WDR7: variants seen among roughly 807,000 people sequenced by gnomAD.
The protein encoded by WDR7 is WD repeat-containing protein 7.
A neutral mutation model predicts 169.4 loss-of-function variants in WDR7; 46 were observed. The ratio of observed to expected loss-of-function variants is 0.27; its 90% CI spans 0.21 to 0.35. The LOEUF is 0.35. Among genes scored for constraint, WDR7 ranks in the 10% least tolerant of loss-of-function variants. The pLI, the probability that WDR7 is intolerant of heterozygous loss-of-function variation, is 1.00. For missense variants in WDR7, 1,534 were observed against 1,859.3 expected (o/e 0.83, Z 3.22); for synonymous variants, 612 against 666.8 (o/e 0.92, Z 1.27).
In WDR7 at chr18:56,939,320, A is replaced by G. The variant is rs370810858; in HGVS notation, c.3991A>G (p.Ile1331Val). The G allele has an allele frequency of 1.0e-4, 153 of 1,528,582 alleles. No homozygotes were observed. Among genetic ancestry groups the G allele is most frequent in the Non-Finnish European group, 1.3e-4 (150 of 1,137,902 alleles). 94.7% of individuals were successfully genotyped at this position (1,528,582 alleles called of 1,614,324 possible). A position where few individuals can be genotyped will look rare whatever the true frequency, so the allele number is the denominator to read the frequency against. The stretch of plus-strand genomic sequence containing the variant: ...TTCTTTTCTGTCAAAGGTTATGGAC[A>G]TCATTATGTACTGCCTTGAAGGATC... ...VVDLLVEVMDIIMYCLEGSLV... is the reference protein window; with the variant it reads ...VVDLLVEVMDVIMYCLEGSLV... Residue 1331 changes from isoleucine to valine, a missense_variant, in exon 25 of 28, where the codon ATC (isoleucine) becomes GTC (valine). Coordinates refer to ENST00000254442, the MANE Select transcript of WDR7 (RefSeq NM_015285.3).
At chr18:56,652,051 A>G (rs1489044035) in intron 1 of WDR7, among the ~76,000 whole-genome samples, 1 of 152,156 alleles carries the variant, frequency 6.6e-6, no homozygotes. Flanking sequence ...GCCAGTTCTT[A>G]TCCCTTTGCC....
chr18:56,667,877 ATGT>A (rs1568126803), intron 1 of WDR7, among the ~76,000 whole-genome samples: 1 of 152,182 alleles, frequency 6.6e-6, no homozygotes, highest in Non-Finnish European at 1.5e-5. Context: ...TATGTGGTAG[ATGT>A]TGTGCTAAGC....
chr18:56,752,189 G>C (rs1181450021), intron 14 of WDR7, among the ~76,000 whole-genome samples: 1 of 152,142 alleles, frequency 6.6e-6, no homozygotes, highest in Non-Finnish European at 1.5e-5. Flanking sequence ...CACTCCTGGT[G>C]ATTCTGAGAA....
intron 25 of WDR7, among the ~76,000 whole-genome samples, chr18:56,961,573 CATA>C (rs1555717868): frequency 6.6e-6 from 1 of 152,112 alleles, no homozygotes; most frequent in Non-Finnish European, 1.5e-5. Flanking sequence ...TTATACTTCT[CATA>C]ATTTTTATTC....
At chr18:56,688,127 T>C (rs1457620481) in intron 7 of WDR7, among the ~76,000 whole-genome samples, 2 of 152,134 alleles carry the variant, frequency 1.3e-5, no homozygotes, top group African/African-American at 2.4e-5. Flanking sequence ...AAAGGTTATA[T>C]AAATGGCAGC....
chr18:56,920,454 T>A (rs1439584242), intron 21 of WDR7, among the ~76,000 whole-genome samples: 1 of 152,214 alleles, frequency 6.6e-6, no homozygotes, highest in Non-Finnish European at 1.5e-5. Flanking sequence ...TCTCTTTTTT[T>A]CCCTAGCACA....
chr18:56,816,860 T>C (rs2044980395), intron 20 of WDR7, among the ~76,000 whole-genome samples: 1 of 152,192 alleles, frequency 6.6e-6, no homozygotes, highest in Admixed American at 6.5e-5. Flanking sequence ...GTGTGGGTGG[T>C]TAAAATTTAA....
At chr18:57,032,825 A>G (rs868846362), downstream of WDR7, 3 of 123,768 alleles carry the variant, frequency 2.4e-5, no homozygotes, top group South Asian at 5.0e-4. Context: ...ATATATATAT[A>G]TATATATATA....
intron 19 of WDR7, among the ~76,000 whole-genome samples, chr18:56,789,654 G>T (rs951999356): frequency 2.0e-5 from 3 of 152,316 alleles, no homozygotes; most frequent in African/African-American, 7.2e-5. Flanking sequence ...AGGCAAAACT[G>T]CTGGGCTTGA....
chr18:56,833,374 G>A (rs1053261658), intron 20 of WDR7, among the ~76,000 whole-genome samples: 2 of 152,040 alleles, frequency 1.3e-5, no homozygotes, highest in Non-Finnish European at 2.9e-5. Flanking sequence ...GGGAGGAATA[G>A]CATTAGGAGA....
At chr18:56,657,952 G>C (rs1335933022) in intron 1 of WDR7, among the ~76,000 whole-genome samples, 1 of 149,910 alleles carries the variant, frequency 6.7e-6, no homozygotes, top group South Asian at 2.1e-4. Flanking sequence ...TTTGGCTGTT[G>C]ATTACTTGAG....
intron 19 of WDR7, among the ~76,000 whole-genome samples, chr18:56,794,383 C>T (rs1034534120): frequency 2.4e-5 from 3 of 127,650 alleles, no homozygotes; most frequent in Admixed American, 1.0e-4. Context: ...GATCTTGGCT[C>T]AATGCAAGCT....
At chr18:56,903,188 CT>C (rs1368272543) in intron 21 of WDR7, among the ~76,000 whole-genome samples, 2 of 152,064 alleles carry the variant, frequency 1.3e-5, no homozygotes, top group Non-Finnish European at 2.9e-5. Flanking sequence ...GGTTTTGCAT[CT>C]TTTATTGGTC....
chr18:56,675,725 C>T (rs372039984), intron 2 of WDR7, among the ~76,000 whole-genome samples: 11 of 152,054 alleles, frequency 7.2e-5, no homozygotes, highest in East Asian at 3.9e-4. Flanking sequence ...TCCTGGATGG[C>T]ACCTCCATAA....
chr18:56,911,546 C>T (rs1477878600), intron 21 of WDR7, among the ~76,000 whole-genome samples: 3 of 152,184 alleles, frequency 2.0e-5, no homozygotes, highest in Non-Finnish European at 4.4e-5. Context: ...CCTACACTTA[C>T]TCTAGTATCC....
rs1237589213 is a variant in WDR7, at chr18:57,028,366, A to G, written c.*1159A>G. The stretch of plus-strand genomic sequence containing the variant: ...TTATGCTTCTAAGTAAGCTTTAACT[A>G]GACCACTTTCTTCTTATGTCAGATT... On this transcript the variant is annotated 3_prime_UTR_variant, in exon 28 of 28. Transcript: ENST00000254442. 2.0e-5 allele frequency: 3 copies of G among 152,204 alleles called. No individual in the cohort carries two copies. The highest frequency in any genetic ancestry group is 4.8e-5 in the African/African-American group (2 of 41,448). The allele number at this position is 152,204 out of a possible 1,614,324, so 9.4% of individuals were successfully genotyped here.
Position 56,725,224 on chromosome 18 carries a change from A to G in WDR7, c.1775-6159A>G, listed in dbSNP as rs1459417520. Among the ~76,000 whole-genome samples the G allele has an allele frequency of 5.4e-4, 82 of 150,846 alleles. 4 individuals are homozygous for G. The highest frequency in any genetic ancestry group is 1.9e-3 in the African/African-American group (76 of 40,136). On this transcript the variant is annotated intron_variant, in intron 13 of 27. Coordinates refer to ENST00000254442, the MANE Select transcript of WDR7 (RefSeq NM_015285.3). ...TCTAGTTCTAGATCCCTGAGGAATC[A>G]CCACACTGTCTTCCACAATGGTTGA...
chr18:56,987,843 T>C (rs2047746654), intron 26 of WDR7, among the ~76,000 whole-genome samples: 2 of 152,242 alleles, frequency 1.3e-5, no homozygotes, highest in Non-Finnish European at 2.9e-5. Context: ...GCTTGGATTA[T>C]GATGAATCAC....
chr18:56,895,348 A>C (rs1198630709), intron 21 of WDR7, among the ~76,000 whole-genome samples: 1 of 151,616 alleles, frequency 6.6e-6, no homozygotes, highest in African/African-American at 2.4e-5. Flanking sequence ...AAAATACAAC[A>C]AAAAAAAATT....
Sources: allele counts gnomAD v4.1 joint callset (sites outside exome capture counted in the v4.1 genomes callset), GRCh38; gene constraint gnomAD v4.1.1; transcripts MANE v1.5; gene names NCBI Gene and HGNC (gene_info 2026-07-23, HGNC 2026-07-21).